Variants in ALCAM observed in about 807,000 individuals in gnomAD.
ALCAM encodes activated leukocyte cell adhesion molecule.
In ALCAM, 30 loss-of-function variants were observed where a neutral mutation model predicts 70.9. The ratio of observed to expected loss-of-function variants is 0.42; its 90% CI spans 0.32 to 0.57. ALCAM has a LOEUF of 0.57. Ranked by LOEUF, ALCAM falls within the 20% of genes least tolerant of loss-of-function variation. The pLI is 0.11. For missense variants in ALCAM, 591 were observed against 695.1 expected, an observed-to-expected ratio of 0.85 and a Z score of 1.68; for synonymous variants, 249 against 242.5, an observed-to-expected ratio of 1.03 and a Z score of -0.25.
chr3:105,491,603 T>G (rs1015739210), intron 1 of ALCAM, among the ~76,000 whole-genome samples: 2 of 152,210 alleles, frequency 1.3e-5, no homozygotes, highest in African/African-American at 4.8e-5. Context: ...GGTTAGAAAT[T>G]TCTCCTGCCA....
chr3:105,367,541 C>G (rs1225024587), intron 1 of ALCAM, 60 bp downstream of exon 1: 3 of 1,592,570 alleles, frequency 1.9e-6, no homozygotes, highest in Non-Finnish European at 1.7e-6. Flanking sequence ...TTTCCTAGGT[C>G]CCCGTCCCAG....
intron 1 of ALCAM, among the ~76,000 whole-genome samples, chr3:105,403,326 A>G (rs960665088): frequency 1.6e-4 from 24 of 152,132 alleles, no homozygotes; most frequent in Admixed American, 7.2e-4. Context: ...AAACACAACC[A>G]GGGACCCTTA....
chr3:105,520,767 G>A (rs1260134157), intron 2 of ALCAM, among the ~76,000 whole-genome samples: 1 of 152,144 alleles, frequency 6.6e-6, no homozygotes, highest in African/African-American at 2.4e-5. Context: ...GATCCTGGTA[G>A]GGAGATGTGG....
At chr3:105,446,414 T>C (rs764558421) in intron 1 of ALCAM, among the ~76,000 whole-genome samples, 43 of 152,082 alleles carry the variant, frequency 2.8e-4, no homozygotes, top group Non-Finnish European at 5.0e-4. Flanking sequence ...GTATGTAGGT[T>C]CCTCAAAAAA....
At chr3:105,562,887 C>T (rs1370404117) in intron 14 of ALCAM, among the ~76,000 whole-genome samples, 2 of 152,136 alleles carry the variant, frequency 1.3e-5, no homozygotes, top group Non-Finnish European at 2.9e-5. Flanking sequence ...CTCACTGCAA[C>T]CTCCGCCTCC....
rs542410025 is a variant in ALCAM at position 105,446,012 on chromosome 3, C to T, written c.74-74055C>T. Reference sequence around the variant, plus strand: ...ATCTAATGTAAATGCTCCTGTACACCAAAGGAAACACTCTAAAGAGTGAAA... The same window carrying T: ...ATCTAATGTAAATGCTCCTGTACACTAAAGGAAACACTCTAAAGAGTGAAA... On this transcript the variant is annotated intron_variant, in intron 1 of 15. Transcript: ENST00000306107. 7.2e-5 allele frequency among the ~76,000 whole-genome samples: 11 copies of T among 152,094 alleles called. No individual in the cohort carries two copies. In the South Asian group the frequency reaches 2.1e-3, roughly 29 times the overall value.
At chr3:105,510,136 G>A (rs1432190110) in intron 1 of ALCAM, among the ~76,000 whole-genome samples, 2 of 152,026 alleles carry the variant, frequency 1.3e-5, no homozygotes, top group African/African-American at 2.4e-5. Flanking sequence ...GAAAAAATGA[G>A]GAAGAAGATG....
At chr3:105,470,132 T>C (rs373088852) in intron 1 of ALCAM, among the ~76,000 whole-genome samples, 6 of 145,748 alleles carry the variant, frequency 4.1e-5, no homozygotes, top group East Asian at 2.0e-4. Flanking sequence ...GTTATATACA[T>C]ACACACACAC....
At position 105,545,107 on chromosome 3, in the gene ALCAM, T is replaced by C. The variant is rs1290012094; in HGVS notation, c.992-116T>C. On this transcript the variant is annotated intron_variant, in intron 8 of 15. Transcript: ENST00000306107. ...TTATTTTAGTCATATAAATCAGTTC[T>C]GAATGTTCAAATGCAGTTAGAAGAA... The C allele has an allele frequency of 8.2e-6, 6 of 727,580 alleles. No individual in the cohort carries two copies. In the East Asian group the frequency reaches 1.6e-4, roughly 20 times the overall value. 45.1% of individuals were successfully genotyped at this position (727,580 alleles called of 1,614,324 possible).
intron 1 of ALCAM, among the ~76,000 whole-genome samples, chr3:105,511,671 C>T (rs1375904834): frequency 1.3e-5 from 2 of 152,020 alleles, no homozygotes; most frequent in Admixed American, 6.6e-5. Context: ...ACCTTTACTA[C>T]TTACCATGTT....
intron 1 of ALCAM, among the ~76,000 whole-genome samples, chr3:105,481,302 A>T (rs1938264851): frequency 6.6e-6 from 1 of 152,092 alleles, no homozygotes; most frequent in Admixed American, 6.6e-5. Context: ...ACTATAATCA[A>T]CTTTTAAATC....
At chr3:105,386,208 T>C (rs1243891628) in intron 1 of ALCAM, among the ~76,000 whole-genome samples, 4 of 151,546 alleles carry the variant, frequency 2.6e-5, no homozygotes, top group Non-Finnish European at 4.4e-5. Flanking sequence ...AAAGGGAAGT[T>C]TGGGTAAACA....
At chr3:105,374,847 A>G (rs578050530) in intron 1 of ALCAM, among the ~76,000 whole-genome samples, 1 of 152,296 alleles carries the variant, frequency 6.6e-6, no homozygotes, top group Non-Finnish European at 1.5e-5. Context: ...GCCAGTTTAC[A>G]GTCAGAGGAT....
At position 105,518,325 on chromosome 3, in the gene ALCAM, C is replaced by A. The variant is rs148724093; in HGVS notation, c.74-1742C>A. 1.6e-3 allele frequency among the ~76,000 whole-genome samples: 249 copies of A among 152,132 alleles called. 2 individuals carry two copies. Among genetic ancestry groups the A allele is most frequent in the African/African-American group, 5.8e-3 (242 of 41,528 alleles). On this transcript the variant is annotated intron_variant, in intron 1 of 15. Transcript: ENST00000306107. ...CTCAAAATTATTACATATTCAAGTGCCTTGTTATAAGCTGATGAAAAAACA... is the reference window on the plus strand; with the variant it reads ...CTCAAAATTATTACATATTCAAGTGACTTGTTATAAGCTGATGAAAAAACA...
chr3:105,543,009 C>T (rs1940160566), intron 8 of ALCAM, among the ~76,000 whole-genome samples: 1 of 151,682 alleles, frequency 6.6e-6, no homozygotes, highest in Non-Finnish European at 1.5e-5. Context: ...GAGAATATAG[C>T]CAGCAGATAG....
chr3:105,571,902 A>C lies in ALCAM; in HGVS notation c.1715A>C (p.Lys572Thr), dbSNP rs1331087367. 1.9e-6 allele frequency: 3 copies of C among 1,613,562 alleles called. No homozygotes were observed. The highest frequency in any genetic ancestry group is 2.7e-5 in the African/African-American group (2 of 74,918). ...NKDLGNMEEN[K>T]KLEENNHKTE... ...GACCTCGGTAATATGGAAGAAAACA[A>C]AAAGTTAGAAGAAAACAATCACAAA... Residue 572 changes from lysine (K) to threonine (T), a missense_variant, in exon 15 of 16, where the codon AAA becomes ACA. Transcript: ENST00000306107.
intron 1 of ALCAM, among the ~76,000 whole-genome samples, chr3:105,395,697 A>G (rs1176769860): frequency 6.6e-6 from 1 of 152,052 alleles, no homozygotes; most frequent in Non-Finnish European, 1.5e-5. Flanking sequence ...AAGTCTCTGT[A>G]ACAGAGCTAT....
At chr3:105,476,140 T>C (rs930245179) in intron 1 of ALCAM, among the ~76,000 whole-genome samples, 3 of 152,070 alleles carry the variant, frequency 2.0e-5, no homozygotes, top group Non-Finnish European at 4.4e-5. Flanking sequence ...AAGCTATTGA[T>C]GATTTCTTCT....
intron 9 of ALCAM, among the ~76,000 whole-genome samples, chr3:105,546,534 A>G (rs1940252121): frequency 6.6e-6 from 1 of 151,476 alleles, no homozygotes; most frequent in African/African-American, 2.4e-5. Context: ...TCACAAGGCT[A>G]GACAAGTTCT....
Sources: allele counts gnomAD v4.1 joint callset (sites outside exome capture counted in the v4.1 genomes callset), GRCh38; gene constraint gnomAD v4.1.1; transcripts MANE v1.5; gene names NCBI Gene and HGNC (gene_info 2026-07-23, HGNC 2026-07-21).